The following PTPRJ variants were observed in gnomAD, a reference collection of about 807,000 sequenced individuals.
PTPRJ encodes the protein protein tyrosine phosphatase receptor type J.
Under a neutral mutation model 141.3 loss-of-function variants are expected in PTPRJ, and 129 were observed. The observed-to-expected ratio is 0.91, with a 90% confidence interval of 0.79 to 1.06. PTPRJ has a LOEUF of 1.06. Among genes scored for constraint, PTPRJ ranks in the 50% least tolerant of loss-of-function variants. PTPRJ has a pLI of 0.00. For synonymous variants in PTPRJ, 610 were observed against 640.5 expected (o/e 0.95, Z 0.72); for missense variants, 1,601 against 1,679.7 (o/e 0.95, Z 0.82).
intron 1 of PTPRJ, among the ~76,000 whole-genome samples, chr11:47,982,479 CTG>C (rs1415137163): frequency 6.6e-6 from 1 of 152,124 alleles, no homozygotes; most frequent in Admixed American, 6.5e-5. Context: ...CCTGTGGGGG[CTG>C]TCTTCTCCCT....
intron 1 of PTPRJ, among the ~76,000 whole-genome samples, chr11:47,988,893 T>G (rs1213844108): frequency 2.9e-5 from 4 of 137,462 alleles, no homozygotes; most frequent in Non-Finnish European, 4.7e-5. Context: ...TTTTTTTTTT[T>G]TTTTTTTTTT....
Position 48,123,812 on chromosome 11 carries a change from G to A in PTPRJ, c.816G>A (p.Pro272=), listed in dbSNP as rs770215254. The A allele has an allele frequency of 1.2e-5, 19 of 1,613,908 alleles. No homozygotes were observed. The highest frequency in any genetic ancestry group is 1.6e-4 in the Middle Eastern group (1 of 6,078). Residue 272 remains proline, a synonymous_variant, in exon 5 of 25, where the codon CCG becomes CCA. Coordinates refer to ENST00000418331, the MANE Select transcript of PTPRJ (RefSeq NM_002843.4). ...LKPGVQYNIN[P]YLLQSNKTKG... Reference sequence around the variant, plus strand: ...CAGGGGTTCAATACAACATCAACCCGTATCTTCTACAATCAAATAAGACAA... The same window carrying A: ...CAGGGGTTCAATACAACATCAACCCATATCTTCTACAATCAAATAAGACAA...
chr11:48,140,768 T>C (rs1298827040), intron 11 of PTPRJ, among the ~76,000 whole-genome samples: 1 of 152,274 alleles, frequency 6.6e-6, no homozygotes, highest in African/African-American at 2.4e-5. Flanking sequence ...TTGGTATTAA[T>C]AGCATTTTAC....
At position 48,137,042 on chromosome 11, in the gene PTPRJ, C is replaced by G; in HGVS notation, c.1913C>G (p.Thr638Ser). 1 of 1,605,940 alleles carries G rather than the reference C, an allele frequency of 6.2e-7. No homozygotes were observed. Among genetic ancestry groups the G allele is most frequent in the South Asian group, 1.1e-5 (1 of 90,922 alleles). The change falls in exon 10 of 25, where the codon ACC (threonine) becomes AGC (serine). Residue 638 changes from threonine (T) to serine (S), a missense_variant. Transcript: ENST00000418331. ...TCCAACATTGATGTAAGTACCAACA[C>G]CACAGCAGCAACTTTAAGTTGGCAG... is the stretch of plus-strand genomic sequence containing the variant. ...NVSNIDVSTN[T>S]TAATLSWQNF...
chr11:48,059,288 A>T (rs1313215517), intron 1 of PTPRJ, among the ~76,000 whole-genome samples: 1 of 151,654 alleles, frequency 6.6e-6, no homozygotes, highest in African/African-American at 2.4e-5. Context: ...CATCCGGCTA[A>T]TTTTTTGTAT....
intron 1 of PTPRJ, among the ~76,000 whole-genome samples, chr11:48,082,451 C>T (rs1360275319): frequency 7.1e-6 from 1 of 141,068 alleles, no homozygotes; most frequent in Non-Finnish European, 1.5e-5. Context: ...AGTCTTGCTC[C>T]GTTGTCCAGG....
At chr11:48,154,605 A>G (rs1857558780) in intron 19 of PTPRJ, among the ~76,000 whole-genome samples, 1 of 152,202 alleles carries the variant, frequency 6.6e-6, no homozygotes, top group Non-Finnish European at 1.5e-5. Context: ...TGGAGCTGAA[A>G]TTGATAGACT....
intron 1 of PTPRJ, among the ~76,000 whole-genome samples, chr11:48,089,480 T>C (rs1855805644): frequency 6.9e-6 from 1 of 145,778 alleles, no homozygotes; most frequent in Non-Finnish European, 1.5e-5. Context: ...TGTGCCACTG[T>C]ACTCTAGCCT....
At chr11:47,996,039 C>CA (rs750897866) in intron 1 of PTPRJ, among the ~76,000 whole-genome samples, 83 of 115,934 alleles carry the variant, frequency 7.2e-4, no homozygotes, top group Middle Eastern at 6.8e-3. Context: ...ACTCCATCTC[C>CA]AAAAAAAAAA....
chr11:47,980,687 G>GC lies in PTPRJ; in HGVS notation c.-219dup, dbSNP rs970052910. On this transcript the variant is annotated 5_prime_UTR_variant, in exon 1 of 25. It introduces an in-frame stop codon into an upstream open reading frame of the 5' UTR. Coordinates refer to ENST00000418331, the MANE Select transcript of PTPRJ (RefSeq NM_002843.4). ...AAGCCCCTGCGCGCTCAGGGACGCG[G>GC]CCCCCCCGCGGCAGCCGCGCTAGGC... 5.7e-5 allele frequency: 56 copies of GC among 990,008 alleles called. No individual in the cohort carries two copies. Among genetic ancestry groups the GC allele is most frequent in the African/African-American group, 2.5e-4 (14 of 57,048 alleles). 61.3% of individuals were successfully genotyped at this position (990,008 alleles called of 1,614,324 possible). A position where few individuals can be genotyped will look rare whatever the true frequency, so the allele number is the denominator to read the frequency against.
In PTPRJ at chr11:48,157,848, C is replaced by T. The variant is rs117753983; in HGVS notation, c.3438+1729C>T. Among the ~76,000 whole-genome samples, 211 of 152,220 alleles carry T rather than the reference C, an allele frequency of 1.4e-3. 8 individuals carry two copies. In the East Asian group the frequency reaches 0.038, roughly 27 times the overall value. On this transcript the variant is annotated intron_variant, in intron 21 of 24. Transcript: ENST00000418331. ...GAATAGGCTGTAATAGAAATAAAAG[C>T]GTTTTTAAAATGAATGCTGATAGGC...
chr11:48,033,132 C>T (rs955922497), intron 1 of PTPRJ, among the ~76,000 whole-genome samples: 11 of 151,804 alleles, frequency 7.2e-5, no homozygotes, highest in African/African-American at 2.4e-4. Flanking sequence ...GGGAATACAG[C>T]GTGTTGAGGG....
intron 5 of PTPRJ, 114 bp from the exon 6 acceptor site, chr11:48,124,854 C>A: frequency 1.1e-6 from 1 of 944,490 alleles, no homozygotes; most frequent in Non-Finnish European, 1.7e-6. Context: ...ATTGATGGAG[C>A]ACCAACTGTG....
intron 1 of PTPRJ, among the ~76,000 whole-genome samples, chr11:48,030,775 A>G (rs556822697): frequency 3.2e-4 from 48 of 152,150 alleles, no homozygotes; most frequent in Admixed American, 7.9e-4. Context: ...AAAATAATAA[A>G]GAGGAGGCCT....
intron 1 of PTPRJ, among the ~76,000 whole-genome samples, chr11:48,085,419 A>G (rs1855676302): frequency 6.6e-6 from 1 of 152,122 alleles, no homozygotes; most frequent in Non-Finnish European, 1.5e-5. Context: ...ATCTTGGCTC[A>G]CTGCAACCTC....
chr11:47,990,660 C>G (rs1182737162), intron 1 of PTPRJ, among the ~76,000 whole-genome samples: 1 of 151,124 alleles, frequency 6.6e-6, no homozygotes, highest in Non-Finnish European at 1.5e-5. Flanking sequence ...GATCTGCCTG[C>G]CTTGGCCTCC....
rs1171923334 is a variant in PTPRJ at position 48,095,455 on chromosome 11, GGA to G, written c.97-14590_97-14589del. ...TAAAATACCATTGTGTGTTTGAGAG[GGA>G]GAGAGAGAGAGAAGGGTAGGAGGAG... On this transcript the variant is annotated intron_variant, in intron 1 of 24. Transcript: ENST00000418331. Among the ~76,000 whole-genome samples the G allele has an allele frequency of 6.6e-5, 10 of 151,712 alleles. No individual in the cohort carries two copies. The East Asian group carries it at 1.5e-3, about 23-fold the overall frequency.
At chr11:48,099,162 C>T (rs531782569) in intron 1 of PTPRJ, among the ~76,000 whole-genome samples, 12 of 152,286 alleles carry the variant, frequency 7.9e-5, no homozygotes, top group Non-Finnish European at 1.6e-4. Flanking sequence ...TGAGCTGCTG[C>T]GGGTCCATCC....
Position 48,163,631 on chromosome 11 carries a change from C to T in PTPRJ, c.3719+13C>T, listed in dbSNP as rs1220724365. 1.2e-6 allele frequency: 2 copies of T among 1,606,594 alleles called. No individual in the cohort carries two copies. Among genetic ancestry groups the T allele is most frequent in the Non-Finnish European group, 8.5e-7 (1 of 1,173,264 alleles). On this transcript the variant is annotated intron_variant, in intron 23 of 24. Transcript: ENST00000418331. ...TGGTGCATTGCAGGTACGCAGATGG[C>T]ACGTCACGTGTGACAGATTTCAAAT...
Sources: allele counts gnomAD v4.1 joint callset (sites outside exome capture counted in the v4.1 genomes callset), GRCh38; gene constraint gnomAD v4.1.1; transcripts MANE v1.5; gene names NCBI Gene and HGNC (gene_info 2026-07-23, HGNC 2026-07-21).